Variants in TTC13 observed in about 807,000 individuals in gnomAD.
The protein encoded by TTC13 is tetratricopeptide repeat protein 13.
TTC13 carries 62 observed loss-of-function variants against 120.0 expected under a neutral mutation model. That is an observed-to-expected ratio of 0.52 (90% CI 0.42 to 0.64). The LOEUF (loss-of-function observed/expected upper bound fraction) is 0.64. Ranked by LOEUF, TTC13 falls within the 30% of genes least tolerant of loss-of-function variation. The pLI is 0.00. For synonymous variants in TTC13, 384 were observed against 393.5 expected (o/e 0.98, Z 0.28); for missense variants, 824 against 1,050.2 (o/e 0.78, Z 2.98).
intron 22 of TTC13, among the ~76,000 whole-genome samples, chr1:230,907,784 G>A (rs1196012703): frequency 6.6e-6 from 1 of 152,176 alleles, no homozygotes; most frequent in Non-Finnish European, 1.5e-5. Context: ...CAAAACTGGG[G>A]GTGGTTGGGA....
At chr1:230,974,244 C>G (rs1678040164) in intron 1 of TTC13, among the ~76,000 whole-genome samples, 1 of 152,110 alleles carries the variant, frequency 6.6e-6, no homozygotes, top group South Asian at 2.1e-4. Flanking sequence ...TGTCTCCTTA[C>G]CAGAAGCCAT....
chr1:230,937,769 T>G (rs560346755), intron 8 of TTC13, among the ~76,000 whole-genome samples: 2 of 152,376 alleles, frequency 1.3e-5, no homozygotes, highest in African/African-American at 4.8e-5. Context: ...TGATTCCTGT[T>G]TAAAGCTTAC....
At chr1:230,915,797 C>A (rs34244523) in intron 18 of TTC13, among the ~76,000 whole-genome samples, 120,861 of 149,130 alleles carry the variant, frequency 0.81, 49,269 homozygotes, top group African/African-American at 0.9. Context: ...CTCTCTCTCT[C>A]TATATATATA....
At chr1:230,936,241 C>A (rs1333981110) in intron 8 of TTC13, 1 of 456,178 alleles carries the variant, frequency 2.2e-6, no homozygotes, top group African/African-American at 2.0e-5. Context: ...CCTGTCTAAT[C>A]ACTGCACAGC....
chr1:230,939,923 A>T (rs990590920), intron 7 of TTC13, among the ~76,000 whole-genome samples: 1 of 152,230 alleles, frequency 6.6e-6, no homozygotes, highest in African/African-American at 2.4e-5. Flanking sequence ...TATTTAAAGT[A>T]CTATAAGCCA....
intron 4 of TTC13, among the ~76,000 whole-genome samples, chr1:230,950,279 A>T (rs1019623187): frequency 6.6e-6 from 1 of 152,024 alleles, no homozygotes; most frequent in Non-Finnish European, 1.5e-5. Context: ...GAAACTTTTT[A>T]AAAAGTTTCT....
intron 2 of TTC13, 89 bp downstream of exon 2, chr1:230,961,120 T>C: frequency 1.0e-6 from 1 of 958,646 alleles, no homozygotes; most frequent in Non-Finnish European, 1.6e-6. Context: ...AGGCCCAACT[T>C]CTAGTTGACA....
chr1:230,976,557 G>A (rs528736088), intron 1 of TTC13, among the ~76,000 whole-genome samples: 3 of 152,280 alleles, frequency 2.0e-5, no homozygotes, highest in East Asian at 1.9e-4. Flanking sequence ...TGACCACAGC[G>A]GCAGCTGCCC....
In TTC13 at chr1:230,925,619, A is replaced by C; in HGVS notation, c.1486T>G (p.Tyr496Asp). The change falls in exon 13 of 23, where the codon TAT becomes GAT. Residue 496 changes from tyrosine to aspartate, a missense_variant. Physicochemically the swap from Tyr to Asp is radical, Grantham distance 160. Transcript: ENST00000366661. Reference protein sequence around the residue: ...KDVLHQNFESYKPEVQELICV... With the variant: ...KDVLHQNFESDKPEVQELICV... ...ATCAGCTCCTGTACTTCAGGCTTAT[A>C]ACTCTCAAAATTCTGATGTAACACA... 1.2e-6 allele frequency: 2 copies of C among 1,614,076 alleles called. No homozygotes were observed. Among genetic ancestry groups the C allele is most frequent in the Non-Finnish European group, 1.7e-6 (2 of 1,179,940 alleles).
At position 230,920,049 on chromosome 1, in the gene TTC13, C is replaced by T. The variant is rs139043135; in HGVS notation, c.1983+461G>A. 6.1e-3 allele frequency among the ~76,000 whole-genome samples: 928 copies of T among 152,312 alleles called. 13 individuals are homozygous for T. The highest frequency in any genetic ancestry group is 0.017 in the Middle Eastern group (5 of 294). On this transcript the variant is annotated intron_variant, in intron 17 of 22. Coordinates refer to ENST00000366661, the MANE Select transcript of TTC13 (RefSeq NM_024525.5). ...CAGCCACTTTGGCAGAACCAAACTC[C>T]ACTCTCTACCTCCTTAGCTTAGCAA...
chr1:230,910,742 C>T (rs1284011641), intron 20 of TTC13, among the ~76,000 whole-genome samples: 1 of 152,208 alleles, frequency 6.6e-6, no homozygotes, highest in African/African-American at 2.4e-5. Context: ...GATAAGACAA[C>T]ATTTATGTTT....
chr1:230,935,342 G>A (rs1673941964), intron 8 of TTC13, among the ~76,000 whole-genome samples: 1 of 152,110 alleles, frequency 6.6e-6, no homozygotes, highest in Non-Finnish European at 1.5e-5. Context: ...CCAGGTTATC[G>A]GAATACAAAT....
intron 2 of TTC13, among the ~76,000 whole-genome samples, chr1:230,960,082 T>A (rs1676477232): frequency 1.3e-5 from 2 of 152,230 alleles, no homozygotes; most frequent in Non-Finnish European, 2.9e-5. Context: ...AGACCAACAC[T>A]ATCTGGCTTA....
intron 1 of TTC13, among the ~76,000 whole-genome samples, chr1:230,976,441 T>C (rs1265449671): frequency 1.3e-5 from 2 of 152,194 alleles, no homozygotes; most frequent in Non-Finnish European, 2.9e-5. Flanking sequence ...AGTATTTCAG[T>C]AGCCCCTACA....
chr1:230,949,273 T>C (rs961275559), intron 4 of TTC13, among the ~76,000 whole-genome samples: 9 of 150,036 alleles, frequency 6.0e-5, no homozygotes, highest in South Asian at 2.1e-4. Flanking sequence ...TGCAGGTCAA[T>C]GGAAAACAAG....
At chr1:230,946,253 TG>T (rs1323492214) in intron 4 of TTC13, among the ~76,000 whole-genome samples, 1 of 152,244 alleles carries the variant, frequency 6.6e-6, no homozygotes, top group Non-Finnish European at 1.5e-5. Flanking sequence ...TATAAGGTCC[TG>T]GGTGGAAGTC....
intron 1 of TTC13, among the ~76,000 whole-genome samples, chr1:230,976,294 G>C (rs779570263): frequency 2.6e-5 from 4 of 152,194 alleles, no homozygotes; most frequent in Non-Finnish European, 5.9e-5. Flanking sequence ...CAGAGCATCA[G>C]CTGCCCCTCA....
chr1:230,932,881 T>TA (rs1673681781), intron 9 of TTC13, among the ~76,000 whole-genome samples: 1 of 152,204 alleles, frequency 6.6e-6, no homozygotes, highest in Non-Finnish European at 1.5e-5. Flanking sequence ...TCAGGGAAGT[T>TA]AAGCACTCAT....
intron 2 of TTC13, among the ~76,000 whole-genome samples, chr1:230,958,919 C>T (rs1274553629): frequency 6.6e-6 from 1 of 152,146 alleles, no homozygotes; most frequent in Non-Finnish European, 1.5e-5. Context: ...GGCTTGAGCC[C>T]GGGAGGTCGA....
Sources: gnomAD v4.1 joint callset for allele counts (sites outside exome capture counted in the v4.1 genomes callset) on GRCh38, gnomAD v4.1.1 for gene constraint, MANE v1.5 for transcripts, NCBI Gene and HGNC (gene_info 2026-07-23, HGNC 2026-07-21) for gene names.